Variants in PHF21A observed in about 807,000 individuals in gnomAD.
PHF21A encodes the protein PHD finger protein 21A.
Under a neutral mutation model 82.5 loss-of-function variants are expected in PHF21A, and 11 were observed. The ratio of observed to expected loss-of-function variants is 0.13; its 90% CI spans 0.08 to 0.22. PHF21A has a LOEUF of 0.22. PHF21A is among the 10% of genes least tolerant of loss of function. The probability of loss-of-function intolerance (pLI) is 1.00; values close to 1 mark genes in which losing one functional copy is unlikely to be tolerated. For missense variants in PHF21A, 579 were observed against 837.8 expected, an observed-to-expected ratio of 0.69 and a Z score of 3.81; for synonymous variants, 297 against 302.8, an observed-to-expected ratio of 0.98 and a Z score of 0.20.
intron 6 of PHF21A, among the ~76,000 whole-genome samples, chr11:46,023,781 C>A (rs1175378201): frequency 3.3e-5 from 5 of 152,090 alleles, no homozygotes; most frequent in African/African-American, 4.8e-5. Context: ...CATGGTGAAA[C>A]CCTGTTTCTA....
intron 17 of PHF21A, 75 bp downstream of exon 17, chr11:45,936,419 A>T (rs1483607399): frequency 2.0e-5 from 17 of 860,864 alleles, no homozygotes; most frequent in Non-Finnish European, 2.8e-5. Context: ...CCTTTTGAGA[A>T]TAAAACAAAT....
intron 10 of PHF21A, among the ~76,000 whole-genome samples, chr11:45,962,765 C>T (rs980950646): frequency 4.2e-4 from 63 of 150,156 alleles, no homozygotes; most frequent in African/African-American, 1.4e-3. Flanking sequence ...TGGTGGCAGG[C>T]GCATGTAGTC....
chr11:45,956,628 A>G (rs2092661753), intron 10 of PHF21A, among the ~76,000 whole-genome samples: 1 of 152,212 alleles, frequency 6.6e-6, no homozygotes, highest in South Asian at 2.1e-4. Context: ...TTAAAAACGT[A>G]TGAATGTTTA....
chr11:46,065,723 CTTTTCT>C (rs1202356704), intron 6 of PHF21A, among the ~76,000 whole-genome samples: 3 of 152,206 alleles, frequency 2.0e-5, no homozygotes, highest in African/African-American at 7.2e-5. Flanking sequence ...GAATTTACTC[CTTTTCT>C]TTAACAAAAG....
chr11:46,093,856 T>C (rs1053793166), intron 1 of PHF21A, among the ~76,000 whole-genome samples: 2 of 152,196 alleles, frequency 1.3e-5, no homozygotes, highest in African/African-American at 2.4e-5. Flanking sequence ...ATTTGTTAAA[T>C]GAATGACTTT....
At chr11:46,068,459 A>C (rs1228509440) in intron 6 of PHF21A, among the ~76,000 whole-genome samples, 1 of 152,246 alleles carries the variant, frequency 6.6e-6, no homozygotes, top group African/African-American at 2.4e-5. Context: ...CCTAAAAAGC[A>C]TTCGTTATTC....
At chr11:46,075,645 A>C (rs550120730) in intron 6 of PHF21A, among the ~76,000 whole-genome samples, 2 of 152,334 alleles carry the variant, frequency 1.3e-5, no homozygotes, top group African/African-American at 4.8e-5. Flanking sequence ...TGTGGAGAAG[A>C]CAAGATGGGG....
chr11:46,048,627 G>A (rs2932513), intron 6 of PHF21A, among the ~76,000 whole-genome samples: 113,912 of 151,600 alleles, frequency 0.75, 45,138 homozygotes, highest in Non-Finnish European at 0.9. Flanking sequence ...AAAATTAGCC[G>A]GGCATGGTGG....
chr11:45,946,217 G>A lies in PHF21A; in HGVS notation c.1289-214C>T, dbSNP rs77537001. The A allele has an allele frequency of 2.8e-3, 3,051 of 1,081,312 alleles. 65 individuals carry two copies. The African/African-American group carries it at 0.041, about 15-fold the overall frequency. 67.0% of individuals were successfully genotyped at this position (1,081,312 alleles called of 1,614,324 possible). A position where few individuals can be genotyped will look rare whatever the true frequency, so the allele number is the denominator to read the frequency against. On this transcript the variant is annotated intron_variant, in intron 14 of 18. Coordinates refer to ENST00000676320, the MANE Select transcript of PHF21A (RefSeq NM_001352027.3). Reference sequence around the variant, plus strand: ...ACAACTATATGACTCTCAAGAGAAGGGAGGATAAGAGAGCTCTGGAGAATG... The same window carrying A: ...ACAACTATATGACTCTCAAGAGAAGAGAGGATAAGAGAGCTCTGGAGAATG...
intron 1 of PHF21A, among the ~76,000 whole-genome samples, chr11:46,099,560 A>ACACACACACC (rs369043301): frequency 1.4e-4 from 20 of 145,952 alleles, no homozygotes; most frequent in African/African-American, 4.7e-4. Flanking sequence ...ACACACACAC[A>ACACACACACC]CACCCTAAAC....
chr11:46,071,416 T>C (rs935750152), intron 6 of PHF21A, among the ~76,000 whole-genome samples: 1 of 152,200 alleles, frequency 6.6e-6, no homozygotes, highest in Non-Finnish European at 1.5e-5. Flanking sequence ...GAACCCCAGA[T>C]GACCTACAGA....
intron 8 of PHF21A, chr11:45,970,153 G>A (rs182407404): frequency 7.5e-6 from 3 of 398,620 alleles, no homozygotes; most frequent in African/African-American, 4.2e-5. Flanking sequence ...AGCAGGCTCA[G>A]TAAATCTTAG....
chr11:46,060,050 T>C (rs2096514955), intron 6 of PHF21A, among the ~76,000 whole-genome samples: 1 of 152,180 alleles, frequency 6.6e-6, no homozygotes, highest in Non-Finnish European at 1.5e-5. Flanking sequence ...GCCCATTTTA[T>C]TTTTTAATAT....
chr11:45,941,759 G>A (rs1479323552), intron 15 of PHF21A, among the ~76,000 whole-genome samples: 1 of 152,214 alleles, frequency 6.6e-6, no homozygotes, highest in Non-Finnish European at 1.5e-5. Flanking sequence ...TAGGTAAGTT[G>A]AAAAACAGCT....
intron 1 of PHF21A, among the ~76,000 whole-genome samples, chr11:46,107,751 G>C (rs2097168071): frequency 6.6e-6 from 1 of 152,092 alleles, no homozygotes; most frequent in Admixed American, 6.6e-5. Context: ...AACTCTCAAA[G>C]CTGGAATCAA....
chr11:46,009,493 T>C (rs2095368427), intron 6 of PHF21A, among the ~76,000 whole-genome samples: 1 of 152,184 alleles, frequency 6.6e-6, no homozygotes, highest in Non-Finnish European at 1.5e-5. Context: ...CATGTAACGA[T>C]AATAGCAGCT....
intron 6 of PHF21A, among the ~76,000 whole-genome samples, chr11:45,992,257 G>A (rs1443654875): frequency 6.6e-6 from 1 of 152,042 alleles, no homozygotes; most frequent in Non-Finnish European, 1.5e-5. Context: ...TTTCAGCCCG[G>A]CATGGTGGCT....
intron 15 of PHF21A, among the ~76,000 whole-genome samples, chr11:45,939,220 T>C (rs1212051957): frequency 1.3e-5 from 2 of 152,232 alleles, no homozygotes; most frequent in African/African-American, 4.8e-5. Flanking sequence ...AGAGTTTTAT[T>C]ATGTTTTGGT....
At chr11:46,093,256 T>A (rs1321690338) in intron 1 of PHF21A, among the ~76,000 whole-genome samples, 1 of 152,258 alleles carries the variant, frequency 6.6e-6, no homozygotes, top group African/African-American at 2.4e-5. Context: ...GCTCTAAAAC[T>A]ACATGTCTTC....
Sources: gnomAD v4.1 joint callset for allele counts (sites outside exome capture counted in the v4.1 genomes callset) on GRCh38, gnomAD v4.1.1 for gene constraint, MANE v1.5 for transcripts, NCBI Gene and HGNC (gene_info 2026-07-23, HGNC 2026-07-21) for gene names.